The following SMC6 variants were observed in gnomAD, a reference collection of about 807,000 sequenced individuals.
SMC6 encodes structural maintenance of chromosomes protein 6.
SMC6 carries 79 observed loss-of-function variants against 142.2 expected under a neutral mutation model. The ratio of observed to expected loss-of-function variants is 0.56; its 90% CI spans 0.46 to 0.67. The LOEUF (loss-of-function observed/expected upper bound fraction) is 0.67, where lower values mean the gene tolerates loss of function less well. Ranked by LOEUF, SMC6 falls within the 30% of genes least tolerant of loss-of-function variation. SMC6 has a pLI of 0.00. For missense variants in SMC6, 1,072 were observed against 1,284.0 expected, an observed-to-expected ratio of 0.83 and a Z score of 2.52; for synonymous variants, 411 against 412.4, an observed-to-expected ratio of 1.00 and a Z score of 0.04.
At position 17,726,469 on chromosome 2, in the gene SMC6, C is replaced by T; in HGVS notation, c.544G>A (p.Val182Met). 1.2e-6 allele frequency: 2 copies of T among 1,606,422 alleles called. No individual in the cohort carries two copies. The highest frequency in any genetic ancestry group is 1.7e-6 in the Non-Finnish European group (2 of 1,177,996). ...GTTAAAACAGAAACTGGATTATCCA[C>T]CTCAAACAAACAAAAAGTCATTTTT... Reference protein sequence around the residue: ...IAILDHFNIQVDNPVSVLTQE... With the variant: ...IAILDHFNIQMDNPVSVLTQE... The change falls in exon 8 of 28, where the codon GTG becomes ATG. Residue 182 changes from valine to methionine, a missense_variant and splice_region_variant. Val to Met is a conservative substitution (Grantham distance 21). Transcript: ENST00000448223.
intron 2 of SMC6, among the ~76,000 whole-genome samples, chr2:17,747,500 TTTC>T (rs1670813220): frequency 8.4e-6 from 1 of 119,748 alleles, no homozygotes; most frequent in Admixed American, 1.1e-4. Context: ...TTTTTTTCTT[TTTC>T]TTTCTTTTTT....
rs184698095 is a variant in SMC6 at position 17,703,545 on chromosome 2, G to T, written c.2007-253C>A. On this transcript the variant is annotated intron_variant, in intron 18 of 27. Coordinates refer to ENST00000448223, the MANE Select transcript of SMC6 (RefSeq NM_001142286.2). ...TAGAGTTGACTCTTGAACAATGCAGGGTTTGAAATATGTGGGTCCACTTAT... is the reference window on the plus strand; with the variant it reads ...TAGAGTTGACTCTTGAACAATGCAGTGTTTGAAATATGTGGGTCCACTTAT... 2.1e-3 allele frequency among the ~76,000 whole-genome samples: 312 copies of T among 151,798 alleles called. 1 individual carries two copies. Among genetic ancestry groups the T allele is most frequent in the South Asian group, 0.01 (49 of 4,804 alleles).
Position 17,716,876 on chromosome 2 carries a change from A to G in SMC6, c.1211T>C (p.Leu404Ser), listed in dbSNP as rs1379530290. The G allele has an allele frequency of 1.2e-6, 2 of 1,610,798 alleles. No homozygotes were observed. The highest frequency in any genetic ancestry group is 3.4e-5 in the Admixed American group (2 of 59,456). Residue 404 changes from leucine (L) to serine (S), a missense_variant, in exon 14 of 28, where the codon TTG (leucine) becomes TCG (serine). By Grantham distance (145) the Leu-to-Ser change is moderately radical. Transcript: ENST00000448223. ...STDQSLEPER[L>S]ERQKKISWLK... is the part of the protein sequence containing the mutation. The stretch of plus-strand genomic sequence containing the variant: ...CCAAGATATTTTTTTTTGTCTTTCC[A>G]ACCGTTCAGGTTCCAAAGATTGGTC...
Position 17,726,121 on chromosome 2 carries a change from C to T in SMC6, c.624+268G>A, listed in dbSNP as rs529376771. Among the ~76,000 whole-genome samples, 361 of 108,034 alleles carry T rather than the reference C, an allele frequency of 3.3e-3. 2 individuals carry two copies. Among genetic ancestry groups the T allele is most frequent in the African/African-American group, 0.016 (352 of 22,074 alleles). The allele number at this position is 108,034 out of a possible 152,430, so 70.9% of individuals were successfully genotyped here. A position where few individuals can be genotyped will look rare whatever the true frequency, so the allele number is the denominator to read the frequency against. ...AAAAAAAAAAAAAAAAAAAGATTTA[C>T]AAGTTATTATGTATGTAGGAGCAAC... On this transcript the variant is annotated intron_variant, in intron 8 of 27. Transcript: ENST00000448223.
In SMC6 at chr2:17,707,372, G is replaced by A. The variant is rs764242372; in HGVS notation, c.1853C>T (p.Ser618Phe). 2.0e-6 allele frequency: 3 copies of A among 1,514,862 alleles called. No homozygotes were observed. Among genetic ancestry groups the A allele is most frequent in the Non-Finnish European group, 2.6e-6 (3 of 1,135,894 alleles). 93.8% of individuals were successfully genotyped at this position (1,514,862 alleles called of 1,614,324 possible). The stretch of plus-strand genomic sequence containing the variant: ...GGACTGCATTACTGCACGAGCTACA[G>A]AATTATTCTAAAAGAATAGAAGAAA... ...IETVLLIKNN[S>F]VARAVMQSQK... Residue 618 changes from serine to phenylalanine, a missense_variant, in exon 18 of 28, where the codon TCT (serine) becomes TTT (phenylalanine). By Grantham distance (155) the Ser-to-Phe change is radical. This residue lies in a region of SMC6 where 994 missense variants were observed against 1,153.2 expected (regional missense o/e 0.86). Transcript: ENST00000448223.
In SMC6 at chr2:17,716,910, C is replaced by A; in HGVS notation, c.1182-5G>T. 1 of 1,594,728 alleles carries A rather than the reference C, an allele frequency of 6.3e-7. No individual in the cohort carries two copies. Among genetic ancestry groups the A allele is most frequent in the Non-Finnish European group, 8.5e-7 (1 of 1,174,180 alleles). The stretch of plus-strand genomic sequence containing the variant: ...GGTTCCAAAGATTGGTCAGTACTAA[C>A]AGTAAATAACCCAAAGTGAAAAATG... On this transcript the variant is annotated splice_polypyrimidine_tract_variant and splice_region_variant and intron_variant, in intron 13 of 27. Transcript: ENST00000448223.
At chr2:17,723,774 C>A (rs1669487950) in intron 9 of SMC6, among the ~76,000 whole-genome samples, 1 of 152,122 alleles carries the variant, frequency 6.6e-6, no homozygotes, top group Non-Finnish European at 1.5e-5. Flanking sequence ...ATGACCATGG[C>A]CAAAGCACAA....
chr2:17,683,553 TG>T (rs1667322942), intron 24 of SMC6, 84 bp downstream of exon 24: 2 of 1,229,582 alleles, frequency 1.6e-6, no homozygotes, highest in South Asian at 3.1e-5. Flanking sequence ...TAATAGTCTC[TG>T]CTATAACAGA....
intron 18 of SMC6, among the ~76,000 whole-genome samples, chr2:17,704,407 A>G (rs1402167774): frequency 6.6e-6 from 1 of 152,218 alleles, no homozygotes; most frequent in Non-Finnish European, 1.5e-5. Context: ...GAGAATAAAT[A>G]AAGTACCAGA....
chr2:17,709,241 T>C (rs1462081077), intron 16 of SMC6, among the ~76,000 whole-genome samples: 1 of 152,178 alleles, frequency 6.6e-6, no homozygotes, highest in Admixed American at 6.6e-5. Context: ...ACAGTTATCA[T>C]ACATAAGTCA....
chr2:17,725,139 T>C, intron 9 of SMC6, 118 bp downstream of exon 9: 1 of 683,430 alleles, frequency 1.5e-6, no homozygotes, highest in East Asian at 2.9e-5. Context: ...CAGAGTGCTA[T>C]AAAAATATTA....
chr2:17,716,976 G>T (rs892666605), intron 13 of SMC6, 71 bp from the exon 14 acceptor site: 3 of 1,526,552 alleles, frequency 2.0e-6, no homozygotes, highest in African/African-American at 2.8e-5. Flanking sequence ...AACACAAACC[G>T]ATGTAATAAA....
At chr2:17,689,149 G>C (rs972129603) in intron 23 of SMC6, among the ~76,000 whole-genome samples, 2 of 152,176 alleles carry the variant, frequency 1.3e-5, no homozygotes, top group Non-Finnish European at 2.9e-5. Context: ...GAGAGAGAGA[G>C]AGAAATAGAT....
chr2:17,733,939 A>C (rs1462095127), intron 5 of SMC6, among the ~76,000 whole-genome samples: 1 of 152,190 alleles, frequency 6.6e-6, no homozygotes, highest in Non-Finnish European at 1.5e-5. Flanking sequence ...ATTAGCAAAA[A>C]ATAAGGAAGT....
In SMC6 at chr2:17,704,099, C is replaced by CA. The variant is rs1182614837; in HGVS notation, c.2007-808dup. Among the ~76,000 whole-genome samples, 783 of 132,810 alleles carry CA rather than the reference C, an allele frequency of 5.9e-3. 7 individuals carry two copies. The highest frequency in any genetic ancestry group is 0.017 in the African/African-American group (624 of 36,274). The allele number at this position is 132,810 out of a possible 152,430, so 87.1% of individuals were successfully genotyped here. A position where few individuals can be genotyped will look rare whatever the true frequency, so the allele number is the denominator to read the frequency against. On this transcript the variant is annotated intron_variant, in intron 18 of 27. Coordinates refer to ENST00000448223, the MANE Select transcript of SMC6 (RefSeq NM_001142286.2). Reference sequence around the variant, plus strand: ...TAGAAACAGAATTAAGATGTAACTCCAAAAAAAAAAAACCAGGAAATAAAC... The same window carrying CA: ...TAGAAACAGAATTAAGATGTAACTCCAAAAAAAAAAAAACCAGGAAATAAAC...
intron 23 of SMC6, among the ~76,000 whole-genome samples, chr2:17,691,313 GGTGTGT>G (rs770630585): frequency 2.9e-5 from 3 of 101,766 alleles, no homozygotes; most frequent in South Asian, 5.8e-4. Flanking sequence ...ATAGTATTCT[GGTGTGT>G]GTGTGTGTGT....
intron 3 of SMC6, among the ~76,000 whole-genome samples, chr2:17,745,256 A>G (rs1451107459): frequency 6.6e-6 from 1 of 151,062 alleles, no homozygotes; most frequent in African/African-American, 2.5e-5. Flanking sequence ...TTTGGAAAAG[A>G]CTGTGTAGAT....
chr2:17,727,790 A>C lies in SMC6; in HGVS notation c.544-1321T>G, dbSNP rs572994787. Among the ~76,000 whole-genome samples, 5 of 152,290 alleles carry C rather than the reference A, an allele frequency of 3.3e-5. No homozygotes were observed. In the South Asian group the frequency reaches 1.0e-3, roughly 32 times the overall value. ...CTGTCTACAAAATAAATATTGTGTAATTTGTTGGTATACCAATGGTTAAAA... is the reference window on the plus strand; with the variant it reads ...CTGTCTACAAAATAAATATTGTGTACTTTGTTGGTATACCAATGGTTAAAA... On this transcript the variant is annotated intron_variant, in intron 7 of 27. Transcript: ENST00000448223.
Position 17,700,205 on chromosome 2 carries a change from T to C in SMC6, c.2394+3A>G, listed in dbSNP as rs371878085. On this transcript the variant is annotated splice_donor_region_variant and intron_variant, in intron 21 of 27. Transcript: ENST00000448223. ...TACGTAACACAGTACCAAAAATATA[T>C]ACCTTAAGTGGGTCTGCTAGCTCCG... 250 of 1,575,576 alleles carry C rather than the reference T, an allele frequency of 1.6e-4. No homozygotes were observed. The highest frequency in any genetic ancestry group is 2.0e-4 in the Non-Finnish European group (233 of 1,160,886).
Sources: gnomAD v4.1 joint callset for allele counts (sites outside exome capture counted in the v4.1 genomes callset) on GRCh38, gnomAD v4.1.1 for gene constraint, gnomAD v4.1.1 regional missense constraint, MANE v1.5 for transcripts, NCBI Gene and HGNC (gene_info 2026-07-23, HGNC 2026-07-21) for gene names.